Variants in BRDT observed in about 807,000 individuals in gnomAD.
The protein encoded by BRDT is bromodomain testis-specific protein.
BRDT carries 77 observed loss-of-function variants against 113.9 expected under a neutral mutation model. The ratio of observed to expected loss-of-function variants is 0.68; its 90% CI spans 0.56 to 0.82. The LOEUF is 0.82. Ranked by LOEUF, BRDT falls within the 40% of genes least tolerant of loss-of-function variation. The probability of loss-of-function intolerance (pLI) is 0.00; values close to 1 mark genes in which losing one functional copy is unlikely to be tolerated. For synonymous variants in BRDT, 358 were observed against 366.5 expected (o/e 0.98, Z 0.26); for missense variants, 1,027 against 1,105.4 (o/e 0.93, Z 1.01).
Position 91,967,420 on chromosome 1 carries a change from C to T in BRDT, c.331-726C>T, listed in dbSNP as rs541345247. 6.9e-5 allele frequency among the ~76,000 whole-genome samples: 10 copies of T among 145,334 alleles called. No homozygotes were observed. The East Asian group carries it at 1.0e-3, about 15-fold the overall frequency. On this transcript the variant is annotated intron_variant, in intron 3 of 18. Transcript: ENST00000399546. ...CTGGCTAATTTTTTTTTTTTTTAAA[C>T]GTAGTTTTGCTCTTGTTGCCCAGGC...
chr1:91,976,212 G>A (rs1557826939), intron 4 of BRDT, 54 bp from the exon 5 acceptor site: 1 of 1,445,482 alleles, frequency 6.9e-7, no homozygotes, highest in Admixed American at 2.4e-5. Flanking sequence ...GACAGAAAGT[G>A]GTATTTTGTA....
At chr1:92,012,692 C>T (rs1170494215) in intron 18 of BRDT, among the ~76,000 whole-genome samples, 1 of 152,188 alleles carries the variant, frequency 6.6e-6, no homozygotes, top group African/African-American at 2.4e-5. Context: ...AGGTGGATCA[C>T]TTGAGGTCAG....
intron 4 of BRDT, among the ~76,000 whole-genome samples, chr1:91,971,361 T>G (rs1253521933): frequency 1.3e-5 from 2 of 152,194 alleles, no homozygotes. Flanking sequence ...ATACAAGTTA[T>G]GTTTGACCTC....
In BRDT at chr1:91,981,379, A is replaced by G. The variant is rs755796853; in HGVS notation, c.1862A>G (p.Lys621Arg). 3.0e-5 allele frequency: 49 copies of G among 1,609,802 alleles called. No homozygotes were observed. The East Asian group carries it at 1.0e-3, about 34-fold the overall frequency. Residue 621 changes from lysine to arginine, a missense_variant and splice_region_variant, in exon 11 of 19, where the codon AAA becomes AGA. Transcript: ENST00000399546. ...NQLNSRKRQT[K>R]SDKTQPSKAV... ...TTAAATTCTAGAAAACGTCAAACAA[A>G]ATGTAGGTGGCAGTTTTTGTTTGTT...
At chr1:91,985,812 C>G (rs10783078) in intron 12 of BRDT, among the ~76,000 whole-genome samples, 109,410 of 151,166 alleles carry the variant, frequency 0.72, 40,360 homozygotes, top group Middle Eastern at 0.82. Flanking sequence ...CTAATTTTTT[C>G]TATTTTTAGT....
chr1:92,006,587 G>A (rs948951666), intron 18 of BRDT, among the ~76,000 whole-genome samples: 8 of 146,878 alleles, frequency 5.4e-5, no homozygotes, highest in African/African-American at 1.8e-4. Context: ...CTGCCTCAGC[G>A]TCCCCAGTAG....
intron 1 of BRDT, among the ~76,000 whole-genome samples, chr1:91,955,405 G>T (rs955840228): frequency 3.3e-5 from 5 of 152,182 alleles, no homozygotes; most frequent in African/African-American, 1.2e-4. Context: ...AGTGAGCTGA[G>T]ATTGCTCCAT....
chr1:91,957,415 T>C (rs916873965), intron 1 of BRDT: 1 of 151,944 alleles, frequency 6.6e-6, no homozygotes, highest in Non-Finnish European at 1.5e-5. Context: ...ATGGCTTGAA[T>C]CTGGGAGGCG....
intron 16 of BRDT, among the ~76,000 whole-genome samples, chr1:92,002,951 TATCCCCCTCC>T (rs1686990511): frequency 1.3e-5 from 2 of 152,242 alleles, no homozygotes; most frequent in South Asian, 4.1e-4. Flanking sequence ...ATTTTTTCTC[TATCCCCCTCC>T]ATCCCTCTGT....
rs914947723 is a variant in BRDT, at chr1:91,980,921, G to A, written c.1493G>A (p.Gly498Asp). The A allele has an allele frequency of 6.2e-6, 10 of 1,611,508 alleles. No individual in the cohort carries two copies. Among genetic ancestry groups the A allele is most frequent in the Non-Finnish European group, 6.8e-6 (8 of 1,179,470 alleles). The part of the protein sequence containing the change: ...QPKKRKQQFI[G>D]LKSEDEDNAK... Reference sequence around the variant, plus strand: ...AAGAAAAGGAAACAACAGTTCATTGGTCTAAAATCTGAAGATGAAGATAAT... The same window carrying A: ...AAGAAAAGGAAACAACAGTTCATTGATCTAAAATCTGAAGATGAAGATAAT... The change falls in exon 10 of 19, where the codon GGT becomes GAT. Residue 498 changes from glycine (G) to aspartate (D), a missense_variant. Coordinates refer to ENST00000399546, the MANE Select transcript of BRDT (RefSeq NM_207189.4).
At position 91,994,264 on chromosome 1, in the gene BRDT, TAAC is replaced by T. The variant is rs1384386710; in HGVS notation, c.2287+13_2287+15del. 19 of 1,588,798 alleles carry T rather than the reference TAAC, an allele frequency of 1.2e-5. No individual in the cohort carries two copies. The Admixed American group carries it at 3.1e-4, about 26-fold the overall frequency. On this transcript the variant is annotated intron_variant, in intron 15 of 18. Coordinates refer to ENST00000399546, the MANE Select transcript of BRDT (RefSeq NM_207189.4). ...ATTCTGCCTCCCTCAGGTAAGAAAT[TAAC>T]AAGTAAACAACTGTTATTGAGAAAT...
chr1:91,951,897 A>C (rs1238681959), intron 1 of BRDT, among the ~76,000 whole-genome samples: 8 of 152,244 alleles, frequency 5.3e-5, no homozygotes, highest in Non-Finnish European at 1.0e-4. Context: ...AATACAAAAA[A>C]AATTAGCCAG....
At chr1:91,964,877 A>T in intron 3 of BRDT, 113 bp downstream of exon 3, 8 of 600,218 alleles carry the variant, frequency 1.3e-5, no homozygotes, top group South Asian at 4.8e-5. Context: ...GAGATACTTG[A>T]CGTGTGTGTG....
Position 92,014,224 on chromosome 1 carries a change from A to G in BRDT, c.2794A>G (p.Met932Val). Residue 932 changes from methionine to valine, a missense_variant, in exon 19 of 19, where the codon ATG (methionine) becomes GTG (valine). By Grantham distance (21) the Met-to-Val change is conservative. Transcript: ENST00000399546. ...TCTACAGATGGTGGGTACCATTGAT[A>G]TGACCCTTCAAAGTGACATTATGAC... ...RREAMVGTID[M>V]TLQSDIMTMF... 3 of 1,590,506 alleles carry G rather than the reference A, an allele frequency of 1.9e-6. No homozygotes were observed. The highest frequency in any genetic ancestry group is 2.6e-6 in the Non-Finnish European group (3 of 1,173,000).
At chr1:91,994,792 C>T (rs1207461533) in intron 15 of BRDT, among the ~76,000 whole-genome samples, 7 of 143,352 alleles carry the variant, frequency 4.9e-5, no homozygotes, top group Non-Finnish European at 1.1e-4. Context: ...GGCGTGAACC[C>T]AGGAGGCGGA....
At chr1:92,008,369 C>T (rs1687516995) in intron 18 of BRDT, among the ~76,000 whole-genome samples, 1 of 151,630 alleles carries the variant, frequency 6.6e-6, no homozygotes, top group Non-Finnish European at 1.5e-5. Context: ...CCTTTTTTTT[C>T]CATTCATAGA....
rs145962253 is a variant in BRDT at position 91,981,121 on chromosome 1, A to C, written c.1693A>C (p.Arg565=). 11 of 1,613,290 alleles carry C rather than the reference A, an allele frequency of 6.8e-6. No individual in the cohort carries two copies. The African/African-American group carries it at 1.5e-4, about 22-fold the overall frequency. The stretch of plus-strand genomic sequence containing the variant: ...TGAAACACTGAAAGCATCAACACTA[A>C]GAGAATTAGAAAAATATGTTTCGGC... ...DFETLKASTL[R]ELEKYVSACL... The change falls in exon 10 of 19, where the codon AGA becomes CGA. Residue 565 remains arginine, a synonymous_variant. Transcript: ENST00000399546.
Position 91,953,436 on chromosome 1 carries a change from T to G in BRDT, c.-38+3754T>G, listed in dbSNP as rs191438151. On this transcript the variant is annotated intron_variant, in intron 1 of 18. Coordinates refer to ENST00000399546, the MANE Select transcript of BRDT (RefSeq NM_207189.4). ...GGCTCACGCCTGTAATCCCAGCTCT[T>G]TGGGAGGCTGAGGCAGGAGGATTGC... 7.2e-5 allele frequency among the ~76,000 whole-genome samples: 11 copies of G among 152,254 alleles called. No individual in the cohort carries two copies. The South Asian group carries it at 1.2e-3, about 17-fold the overall frequency.
In BRDT at chr1:91,992,286, C is replaced by T. The variant is rs10747493; in HGVS notation, c.2087C>T (p.Pro696Leu). The change falls in exon 14 of 19, where the codon CCG (proline) becomes CTG (leucine). Residue 696 changes from proline (P) to leucine (L), a missense_variant. Coordinates refer to ENST00000399546, the MANE Select transcript of BRDT (RefSeq NM_207189.4). Reference sequence around the variant, plus strand: ...TAGAAAATGAAGAATGAATGCATACCGCCTGAAGGAAGAACAGGCGTCACA... The same window carrying T: ...TAGAAAATGAAGAATGAATGCATACTGCCTGAAGGAAGAACAGGCGTCACA... Reference protein sequence around the residue: ...NVKKMKNECIPPEGRTGVTQI... With the variant: ...NVKKMKNECILPEGRTGVTQI... 0.83 allele frequency: 1,252,281 copies of T among 1,501,474 alleles called. 526,259 individuals are homozygous for T. Among genetic ancestry groups the T allele is most frequent in the Non-Finnish European group, 0.85 (953,579 of 1,116,318 alleles). 93.0% of individuals were successfully genotyped at this position (1,501,474 alleles called of 1,614,324 possible). A position where few individuals can be genotyped will look rare whatever the true frequency, so the allele number is the denominator to read the frequency against.
Sources: allele counts gnomAD v4.1 joint callset (sites outside exome capture counted in the v4.1 genomes callset), GRCh38; gene constraint gnomAD v4.1.1; transcripts MANE v1.5; gene names NCBI Gene and HGNC (gene_info 2026-07-23, HGNC 2026-07-21).